The following DCC variants were observed in gnomAD, a reference collection of about 807,000 sequenced individuals.
The protein encoded by DCC is DCC netrin 1 receptor.
Under a neutral mutation model 172.5 loss-of-function variants are expected in DCC, and 58 were observed. The observed-to-expected ratio is 0.34, with a 90% confidence interval of 0.27 to 0.42. The LOEUF (loss-of-function observed/expected upper bound fraction) is 0.42. Ranked by LOEUF, DCC falls within the 10% of genes least tolerant of loss-of-function variation. DCC has a pLI of 1.00. For missense variants in DCC, 1,740 were observed against 1,791.0 expected (o/e 0.97, Z 0.51); for synonymous variants, 709 against 644.5 (o/e 1.10, Z -1.52).
intron 2 of DCC, among the ~76,000 whole-genome samples, chr18:52,825,545 C>T (rs991144064): frequency 6.6e-6 from 1 of 151,936 alleles, no homozygotes; most frequent in Non-Finnish European, 1.5e-5. Flanking sequence ...TGGAAATTAC[C>T]TATTTTTTGT....
chr18:52,513,273 C>A (rs1007332625), intron 1 of DCC, among the ~76,000 whole-genome samples: 48 of 152,284 alleles, frequency 3.2e-4, no homozygotes, highest in African/African-American at 1.2e-3. Context: ...TTTGGCAATG[C>A]ACCATTCTAA....
At chr18:53,502,286 T>C (rs568116489) in intron 27 of DCC, among the ~76,000 whole-genome samples, 1 of 152,308 alleles carries the variant, frequency 6.6e-6, no homozygotes, top group South Asian at 2.1e-4. Flanking sequence ...TTTGGAATTA[T>C]TAAATTCTTT....
At chr18:53,016,100 T>G (rs148315430) in intron 5 of DCC, among the ~76,000 whole-genome samples, 1 of 152,220 alleles carries the variant, frequency 6.6e-6, no homozygotes, top group East Asian at 1.9e-4. Context: ...CCAAATAAAG[T>G]ACATTTATTT....
At chr18:52,955,384 T>TG (rs1279247622) in intron 5 of DCC, among the ~76,000 whole-genome samples, 2 of 57,322 alleles carry the variant, frequency 3.5e-5, no homozygotes, top group Non-Finnish European at 1.1e-4. Flanking sequence ...TTAGTAGACC[T>TG]TTTTTTTTTG....
intron 1 of DCC, among the ~76,000 whole-genome samples, chr18:52,352,452 A>G (rs942419015): frequency 6.6e-6 from 1 of 152,198 alleles, no homozygotes; most frequent in Non-Finnish European, 1.5e-5. Context: ...GGTCCAGCTA[A>G]GTTAGATCTG....
chr18:53,199,013 G>A (rs1457097052), intron 9 of DCC, among the ~76,000 whole-genome samples: 1 of 151,960 alleles, frequency 6.6e-6, no homozygotes, highest in African/African-American at 2.4e-5. Context: ...TGAAATGGAA[G>A]GCTGAAGCTG....
intron 1 of DCC, among the ~76,000 whole-genome samples, chr18:52,653,103 C>T (rs1283544523): frequency 6.6e-6 from 1 of 152,130 alleles, no homozygotes; most frequent in Admixed American, 6.5e-5. Context: ...CACAAAAGCA[C>T]AAAACCTTGC....
chr18:53,159,017 A>C (rs1307707622), intron 8 of DCC, among the ~76,000 whole-genome samples: 2 of 146,090 alleles, frequency 1.4e-5, no homozygotes, highest in African/African-American at 5.0e-5. Context: ...AAGAAGATGT[A>C]GGCATACCCA....
At chr18:53,114,606 G>A (rs2043383857) in intron 7 of DCC, among the ~76,000 whole-genome samples, 1 of 151,464 alleles carries the variant, frequency 6.6e-6, no homozygotes, top group African/African-American at 2.4e-5. Flanking sequence ...TACATACCAA[G>A]CCCATGAGCC....
chr18:52,542,758 G>T (rs1199706371), intron 1 of DCC, among the ~76,000 whole-genome samples: 8 of 152,068 alleles, frequency 5.3e-5, no homozygotes, highest in African/African-American at 1.9e-4. Context: ...AGAATCACTT[G>T]AACTGGGGAA....
At chr18:53,184,297 C>T (rs760986350) in intron 9 of DCC, among the ~76,000 whole-genome samples, 5 of 152,030 alleles carry the variant, frequency 3.3e-5, no homozygotes, top group South Asian at 2.1e-4. Flanking sequence ...TACATTATCC[C>T]GTAAGATGTA....
At chr18:52,481,708 C>G (rs573055173) in intron 1 of DCC, among the ~76,000 whole-genome samples, 1 of 152,020 alleles carries the variant, frequency 6.6e-6, no homozygotes, top group African/African-American at 2.4e-5. Flanking sequence ...CTAACAGTGA[C>G]GACTTAGGGT....
chr18:53,187,852 G>A (rs982211525), intron 9 of DCC, among the ~76,000 whole-genome samples: 1 of 152,278 alleles, frequency 6.6e-6, no homozygotes, highest in Non-Finnish European at 1.5e-5. Flanking sequence ...GCAGGGAGCG[G>A]AGATTACCAT....
rs766085906 is a variant in DCC, at chr18:52,906,092, G to C, written c.461G>C (p.Gly154Ala). Residue 154 changes from glycine (G) to alanine (A), a missense_variant, in exon 3 of 29, where the codon GGA becomes GCA. Gly to Ala is a moderately conservative substitution (Grantham distance 60, BLOSUM62 0). Around this residue, in one of 2 missense-constraint regions of DCC, gnomAD observed 1,732 missense variants for 1,767.4 expected, o/e 0.98. Transcript: ENST00000442544. The part of the protein sequence containing the change: ...SQTESVTAFM[G>A]DTVLLKCEVI... ...ACAGAATCTGTCACAGCCTTCATGGGAGACACAGTGCTACTCAAGTGTGAA... is the reference window on the plus strand; with the variant it reads ...ACAGAATCTGTCACAGCCTTCATGGCAGACACAGTGCTACTCAAGTGTGAA... The C allele has an allele frequency of 6.2e-7, 1 of 1,612,778 alleles. No individual in the cohort carries two copies. The highest frequency in any genetic ancestry group is 1.1e-5 in the South Asian group (1 of 91,058).
intron 7 of DCC, among the ~76,000 whole-genome samples, chr18:53,140,514 T>A (rs532191763): frequency 3.3e-5 from 5 of 152,278 alleles, no homozygotes; most frequent in Admixed American, 1.3e-4. Context: ...AGAGATTACA[T>A]GCTGGAGTTA....
At chr18:53,478,368 A>C (rs899966837) in intron 25 of DCC, among the ~76,000 whole-genome samples, 1 of 152,230 alleles carries the variant, frequency 6.6e-6, no homozygotes, top group Non-Finnish European at 1.5e-5. Context: ...AATCGGATGT[A>C]ACTATTTGGC....
At chr18:52,950,228 A>G (rs1230853355) in intron 5 of DCC, among the ~76,000 whole-genome samples, 1 of 152,182 alleles carries the variant, frequency 6.6e-6, no homozygotes, top group African/African-American at 2.4e-5. Context: ...GAAATTCCAC[A>G]GAAACCTGAA....
chr18:52,455,681 A>G (rs1019140203), intron 1 of DCC, among the ~76,000 whole-genome samples: 1 of 152,186 alleles, frequency 6.6e-6, no homozygotes, highest in African/African-American at 2.4e-5. Context: ...GATCCTCGGC[A>G]ACTTATTTAA....
At chr18:52,628,723 G>A (rs557555844) in intron 1 of DCC, among the ~76,000 whole-genome samples, 1 of 152,362 alleles carries the variant, frequency 6.6e-6, no homozygotes, top group East Asian at 1.9e-4. Flanking sequence ...GTAGCAGCAT[G>A]AGTAGGGAGG....
Sources: gnomAD v4.1 joint callset for allele counts (sites outside exome capture counted in the v4.1 genomes callset) on GRCh38, gnomAD v4.1.1 for gene constraint, gnomAD v4.1.1 regional missense constraint, MANE v1.5 for transcripts, NCBI Gene and HGNC (gene_info 2026-07-23, HGNC 2026-07-21) for gene names.